CORO1C: variants seen among roughly 807,000 people sequenced by gnomAD.
CORO1C encodes the protein coronin 1C, also known as coronin-1C.
In CORO1C, 14 loss-of-function variants were observed where a neutral mutation model predicts 51.2. That is an observed-to-expected ratio of 0.27 (90% CI 0.18 to 0.43). The LOEUF is 0.43. Ranked by LOEUF, CORO1C falls within the 20% of genes least tolerant of loss-of-function variation. The pLI is 1.00. For missense variants in CORO1C, 417 were observed against 607.8 expected (o/e 0.69, Z 3.30); for synonymous variants, 181 against 210.5 (o/e 0.86, Z 1.21).
chr12:108,684,700 CT>C (rs1189800239), intron 2 of CORO1C, among the ~76,000 whole-genome samples: 1 of 151,776 alleles, frequency 6.6e-6, no homozygotes, highest in African/African-American at 2.4e-5. Context: ...TGCTTTATTA[CT>C]TTTTTCAAAA....
At chr12:108,668,544 T>C (rs1408487779) in intron 3 of CORO1C, 1 of 152,192 alleles carries the variant, frequency 6.6e-6, no homozygotes, top group African/African-American at 2.4e-5. Flanking sequence ...GGAAAATTTA[T>C]AATGGAAGCA....
At chr12:108,668,107 A>G (rs1371333800) in intron 3 of CORO1C, among the ~76,000 whole-genome samples, 4 of 152,220 alleles carry the variant, frequency 2.6e-5, no homozygotes, top group Non-Finnish European at 5.9e-5. Flanking sequence ...AAGGAAACCA[A>G]TTCCAAATGG....
At chr12:108,657,545 G>A in intron 5 of CORO1C, 122 bp from the exon 6 acceptor site, 1 of 1,034,372 alleles carries the variant, frequency 9.7e-7, no homozygotes. Context: ...GTGGGAGGGA[G>A]GTCAGTGTTA....
intron 2 of CORO1C, among the ~76,000 whole-genome samples, chr12:108,679,060 G>A (rs1194172804): frequency 4.7e-5 from 6 of 127,874 alleles, no homozygotes; most frequent in Middle Eastern, 5.9e-3. Context: ...GCAGTGAGCC[G>A]AGATCGTGCC....
At chr12:108,723,997 C>CT in intron 1 of CORO1C, among the ~76,000 whole-genome samples, 1 of 152,268 alleles carries the variant, frequency 6.6e-6, no homozygotes, top group South Asian at 2.1e-4. Flanking sequence ...TGTCAAGGAG[C>CT]TTTACATTAA....
intron 1 of CORO1C, among the ~76,000 whole-genome samples, chr12:108,725,833 C>T (rs569652025): frequency 2.0e-5 from 3 of 152,052 alleles, no homozygotes; most frequent in East Asian, 3.9e-4. Context: ...TTTTTTGAGA[C>T]GGATTCTTTC....
At chr12:108,696,019 G>A (rs1435156301) in intron 2 of CORO1C, among the ~76,000 whole-genome samples, 1 of 152,024 alleles carries the variant, frequency 6.6e-6, no homozygotes, top group African/African-American at 2.4e-5. Context: ...AAAATAAATG[G>A]GAGAAACACA....
At chr12:108,690,059 C>A (rs540683135) in intron 2 of CORO1C, among the ~76,000 whole-genome samples, 1 of 152,184 alleles carries the variant, frequency 6.6e-6, no homozygotes, top group Admixed American at 6.5e-5. Context: ...GTTTGAATTT[C>A]TTAAGCCCCT....
At chr12:108,717,698 G>A (rs1441046388) in intron 1 of CORO1C, among the ~76,000 whole-genome samples, 1 of 152,184 alleles carries the variant, frequency 6.6e-6, no homozygotes, top group Non-Finnish European at 1.5e-5. Flanking sequence ...TCTCTTTGGT[G>A]TGGAGACTTA....
Position 108,708,319 on chromosome 12 carries a change from A to G in CORO1C, c.-5-6996T>C, listed in dbSNP as rs60501120. Among the ~76,000 whole-genome samples, 550 of 152,350 alleles carry G rather than the reference A, an allele frequency of 3.6e-3. 37 individuals carry two copies. In the East Asian group the frequency reaches 0.1, roughly 28 times the overall value. On this transcript the variant is annotated intron_variant, in intron 1 of 10. Transcript: ENST00000261401. ...ATTCAGCAATAAAAAGGAATGAAGT[A>G]CTAATACATGCTACAACTTGGATGA...
intron 1 of CORO1C, among the ~76,000 whole-genome samples, chr12:108,706,190 AAAAAACAAAAAAAAC>A (rs1380004350): frequency 1.3e-5 from 2 of 151,526 alleles, no homozygotes; most frequent in South Asian, 2.1e-4. Flanking sequence ...CTGAATCAAA[AAAAAACAAAAAAAAC>A]AAAAAAAAAG....
chr12:108,704,404 G>A (rs769711043), intron 1 of CORO1C, among the ~76,000 whole-genome samples: 4 of 151,930 alleles, frequency 2.6e-5, no homozygotes, highest in South Asian at 2.1e-4. Context: ...CCTGGTAGGC[G>A]GAGGCTTCAG....
At chr12:108,656,382 T>TG (rs1196110124) in intron 6 of CORO1C, among the ~76,000 whole-genome samples, 1 of 137,538 alleles carries the variant, frequency 7.3e-6, no homozygotes. Context: ...GGGAGGGAGG[T>TG]GGGGGGGCAG....
Position 108,719,490 on chromosome 12 carries a change from C to A in CORO1C, c.-6+11939G>T, listed in dbSNP as rs140451273. Among the ~76,000 whole-genome samples, 317 of 152,300 alleles carry A rather than the reference C, an allele frequency of 2.1e-3. 1 individual carries two copies. Among genetic ancestry groups the A allele is most frequent in the African/African-American group, 7.1e-3 (295 of 41,566 alleles). On this transcript the variant is annotated intron_variant, in intron 1 of 10. Coordinates refer to ENST00000261401, the MANE Select transcript of CORO1C (RefSeq NM_014325.4). ...TCATTTTAACAGTTGTAGTGGTGCA[C>A]AATTCACCCTATCTTAACTTACTCG... is the stretch of plus-strand genomic sequence containing the variant.
chr12:108,719,811 T>C (rs902329145), intron 1 of CORO1C, among the ~76,000 whole-genome samples: 1 of 152,256 alleles, frequency 6.6e-6, no homozygotes, highest in Non-Finnish European at 1.5e-5. Flanking sequence ...ACAGAAATTA[T>C]GGTTCTTGCC....
chr12:108,675,738 T>C (rs1392730165), intron 3 of CORO1C, among the ~76,000 whole-genome samples: 1 of 152,170 alleles, frequency 6.6e-6, no homozygotes, highest in Non-Finnish European at 1.5e-5. Context: ...AATGACTGGA[T>C]ATAGGCACAG....
intron 8 of CORO1C, chr12:108,649,756 G>A (rs1287229106): frequency 6.6e-6 from 1 of 152,168 alleles, no homozygotes; most frequent in East Asian, 1.9e-4. Context: ...AGTCAAGACG[G>A]GAAACAACAA....
At chr12:108,727,342 G>A (rs550859644) in intron 1 of CORO1C, among the ~76,000 whole-genome samples, 3 of 152,206 alleles carry the variant, frequency 2.0e-5, no homozygotes, top group Non-Finnish European at 4.4e-5. Flanking sequence ...TGTCCCAAAG[G>A]ACAAGTGGGA....
intron 3 of CORO1C, among the ~76,000 whole-genome samples, chr12:108,674,552 T>TAAA (rs60922936): frequency 5.3e-5 from 7 of 132,588 alleles, no homozygotes; most frequent in African/African-American, 1.1e-4. Context: ...CGTCTCAATT[T>TAAA]AAAAAAAAAA....
Sources: allele counts gnomAD v4.1 joint callset (sites outside exome capture counted in the v4.1 genomes callset), GRCh38; gene constraint gnomAD v4.1.1; transcripts MANE v1.5; gene names NCBI Gene and HGNC (gene_info 2026-07-23, HGNC 2026-07-21).